SNX29: variants seen among roughly 807,000 people sequenced by gnomAD.
SNX29 encodes sorting nexin 29.
In SNX29, 78 loss-of-function variants were observed where a neutral mutation model predicts 102.1. The observed-to-expected ratio is 0.76, with a 90% CI of 0.64 to 0.92. The LOEUF is 0.92. SNX29 is among the 40% of genes least tolerant of loss of function. The pLI is 0.00. For missense variants in SNX29, 1,280 were observed against 1,061.7 expected, an observed-to-expected ratio of 1.21 and a Z score of -2.86; for synonymous variants, 580 against 414.5, an observed-to-expected ratio of 1.40 and a Z score of -4.85.
At position 12,570,560 on chromosome 16, in the gene SNX29, G is replaced by C. The variant is rs754879911; in HGVS notation, c.*1931G>C. ...GGTGTTTGATGCCAGCTCAGAGACTGTCTCAGGAGTGCCTCCCTGGCCTGG... is the reference window on the plus strand; with the variant it reads ...GGTGTTTGATGCCAGCTCAGAGACTCTCTCAGGAGTGCCTCCCTGGCCTGG... On this transcript the variant is annotated 3_prime_UTR_variant, in exon 21 of 21. Coordinates refer to ENST00000566228, the MANE Select transcript of SNX29 (RefSeq NM_032167.5). The C allele has an allele frequency of 3.9e-5, 9 of 232,240 alleles. No individual in the cohort carries two copies. Among genetic ancestry groups the C allele is most frequent in the Non-Finnish European group, 6.0e-5 (7 of 117,510 alleles). The allele number at this position is 232,240 out of a possible 1,614,324, so 14.4% of individuals were successfully genotyped here.
At chr16:12,565,433 G>T (rs1306927729) in intron 20 of SNX29, among the ~76,000 whole-genome samples, 1 of 151,720 alleles carries the variant, frequency 6.6e-6, no homozygotes, top group Admixed American at 6.6e-5. Flanking sequence ...TCCTCCCGTG[G>T]CCTCACCTGC....
In SNX29 at chr16:12,082,498, C is replaced by G. The variant is rs370548452; in HGVS notation, c.1402+3583C>G. Reference sequence around the variant, plus strand: ...CATTTTCAGTGATGACATACATGCCCTTAAACATGCTCGAGTTAGGCCAGT... The same window carrying G: ...CATTTTCAGTGATGACATACATGCCGTTAAACATGCTCGAGTTAGGCCAGT... On this transcript the variant is annotated intron_variant, in intron 11 of 20. Transcript: ENST00000566228. Among the ~76,000 whole-genome samples, 22 of 152,160 alleles carry G rather than the reference C, an allele frequency of 1.4e-4. No individual in the cohort carries two copies. The South Asian group carries it at 4.6e-3, about 32-fold the overall frequency.
intron 20 of SNX29, among the ~76,000 whole-genome samples, chr16:12,554,326 C>T (rs1158939917): frequency 6.6e-6 from 1 of 152,212 alleles, no homozygotes. Flanking sequence ...AAAATGGGAC[C>T]AGATGTCTTT....
At chr16:12,023,459 T>C (rs1319435395) in intron 3 of SNX29, among the ~76,000 whole-genome samples, 4 of 149,576 alleles carry the variant, frequency 2.7e-5, no homozygotes, top group Admixed American at 2.0e-4. Context: ...ATGCCTGTAG[T>C]CTCAGTTACT....
At chr16:12,529,068 G>C in intron 20 of SNX29, among the ~76,000 whole-genome samples, 1 of 152,222 alleles carries the variant, frequency 6.6e-6, no homozygotes, top group African/African-American at 2.4e-5. Flanking sequence ...TCTGCCATCT[G>C]CACAAATCTG....
At chr16:12,564,522 ACT>A (rs1342428416) in intron 20 of SNX29, among the ~76,000 whole-genome samples, 1 of 152,102 alleles carries the variant, frequency 6.6e-6, no homozygotes, top group Non-Finnish European at 1.5e-5. Flanking sequence ...AAGTTTTCTG[ACT>A]CTGAATATGG....
chr16:12,021,978 A>T (rs2057038519), intron 3 of SNX29, among the ~76,000 whole-genome samples: 1 of 142,756 alleles, frequency 7.0e-6, no homozygotes, highest in African/African-American at 2.5e-5. Context: ...TGCAGTGTCC[A>T]GGTCTGCTGG....
At chr16:12,364,411 T>C (rs1393224341) in intron 16 of SNX29, among the ~76,000 whole-genome samples, 1 of 112,764 alleles carries the variant, frequency 8.9e-6, no homozygotes, top group Non-Finnish European at 2.2e-5. Context: ...TTTTTCTCTC[T>C]TCTTCTTTTT....
intron 3 of SNX29, among the ~76,000 whole-genome samples, chr16:12,006,361 C>T (rs907943316): frequency 1.3e-5 from 2 of 151,134 alleles, no homozygotes; most frequent in African/African-American, 2.4e-5. Context: ...ACTTAAAATA[C>T]AAAATTAGCC....
intron 14 of SNX29, among the ~76,000 whole-genome samples, chr16:12,202,628 C>A (rs530036908): frequency 3.7e-4 from 57 of 152,296 alleles, no homozygotes; most frequent in South Asian, 2.3e-3. Flanking sequence ...CCTTTCTCCT[C>A]GCCACGGAGC....
chr16:12,512,839 G>C (rs2089691757), intron 19 of SNX29, among the ~76,000 whole-genome samples: 1 of 152,158 alleles, frequency 6.6e-6, no homozygotes. Flanking sequence ...TCAATGCCTG[G>C]GGAGTGAGGG....
intron 14 of SNX29, among the ~76,000 whole-genome samples, chr16:12,212,754 G>A (rs1206310358): frequency 1.3e-5 from 2 of 152,114 alleles, no homozygotes; most frequent in Non-Finnish European, 2.9e-5. Flanking sequence ...TATCGGATGT[G>A]TACTTTGCAA....
chr16:12,102,708 C>T (rs1421491464), intron 11 of SNX29, among the ~76,000 whole-genome samples: 1 of 152,072 alleles, frequency 6.6e-6, no homozygotes, highest in Non-Finnish European at 1.5e-5. Context: ...AAATTCTGGC[C>T]AGAGCAATCA....
chr16:12,231,982 G>C (rs1235898746), intron 14 of SNX29, among the ~76,000 whole-genome samples: 1 of 152,172 alleles, frequency 6.6e-6, no homozygotes, highest in Non-Finnish European at 1.5e-5. Context: ...GTGAGGACTT[G>C]GTATCAATAA....
At chr16:12,241,085 T>A (rs2078090298) in intron 14 of SNX29, among the ~76,000 whole-genome samples, 1 of 152,166 alleles carries the variant, frequency 6.6e-6, no homozygotes, top group African/African-American at 2.4e-5. Flanking sequence ...CTTGAAAAAA[T>A]TAGCTATTTG....
At chr16:12,481,055 T>C (rs1244984650) in intron 19 of SNX29, among the ~76,000 whole-genome samples, 1 of 152,158 alleles carries the variant, frequency 6.6e-6, no homozygotes, top group Non-Finnish European at 1.5e-5. Context: ...CGAGGCTGAT[T>C]CCTCACAGCA....
In SNX29 at chr16:12,540,530, C is replaced by T. The variant is rs1030272811; in HGVS notation, c.2318+15689C>T. 1.2e-3 allele frequency among the ~76,000 whole-genome samples: 180 copies of T among 152,318 alleles called. 1 individual carries two copies. Among genetic ancestry groups the T allele is most frequent in the African/African-American group, 3.1e-3 (127 of 41,580 alleles). ...CGAGGTTGTGGGGCAGAATTTGTTT[C>T]GCGGCTTCCTGGCAGCCACCCTATG... On this transcript the variant is annotated intron_variant, in intron 20 of 20. Transcript: ENST00000566228.
intron 15 of SNX29, among the ~76,000 whole-genome samples, chr16:12,309,881 G>A (rs1414833963): frequency 1.3e-5 from 2 of 152,190 alleles, no homozygotes; most frequent in Non-Finnish European, 2.9e-5. Context: ...AAGTCTGTGT[G>A]TATCCCCTCA....
chr16:12,051,645 A>G lies in SNX29; in HGVS notation c.749-202A>G, dbSNP rs563937750. ...TGTGCTCTGTGGTGTGTTTATTTAA[A>G]TCAGAGGCAGAGGCCTGCGTCCATT... On this transcript the variant is annotated intron_variant, in intron 7 of 20. Transcript: ENST00000566228. Among the ~76,000 whole-genome samples the G allele has an allele frequency of 3.3e-5, 5 of 152,362 alleles. No homozygotes were observed. In the East Asian group the frequency reaches 9.6e-4, roughly 29 times the overall value.
Sources: gnomAD v4.1 joint callset for allele counts (sites outside exome capture counted in the v4.1 genomes callset) on GRCh38, gnomAD v4.1.1 for gene constraint, MANE v1.5 for transcripts, NCBI Gene and HGNC (gene_info 2026-07-23, HGNC 2026-07-21) for gene names.